A1CF: variants seen among roughly 807,000 people sequenced by gnomAD.
A1CF encodes the protein APOBEC1 complementation factor.
A1CF carries 48 observed loss-of-function variants against 68.9 expected under a neutral mutation model. That is an observed-to-expected ratio of 0.70 (90% CI 0.55 to 0.89). The LOEUF (loss-of-function observed/expected upper bound fraction) is 0.89. Ranked by LOEUF, A1CF falls within the 40% of genes least tolerant of loss-of-function variation. A1CF has a pLI of 0.00. For synonymous variants in A1CF, 272 were observed against 260.4 expected, an observed-to-expected ratio of 1.04 and a Z score of -0.43; for missense variants, 653 against 718.9, an observed-to-expected ratio of 0.91 and a Z score of 1.05.
intron 3 of A1CF, among the ~76,000 whole-genome samples, chr10:50,853,989 T>G (rs1479822732): frequency 2.0e-5 from 3 of 152,030 alleles, no homozygotes; most frequent in African/African-American, 7.2e-5. Flanking sequence ...ACAAATTTCA[T>G]GTATATGTAG....
intron 10 of A1CF, among the ~76,000 whole-genome samples, chr10:50,812,335 C>T (rs1411064367): frequency 6.6e-6 from 1 of 152,128 alleles, no homozygotes; most frequent in Non-Finnish European, 1.5e-5. Context: ...ATTGTTTAGG[C>T]CCCATCTGTG....
Position 50,818,921 on chromosome 10 carries a change from GC to G in A1CF, c.867+1630del, listed in dbSNP as rs1479162004. Among the ~76,000 whole-genome samples, 32 of 152,182 alleles carry G rather than the reference GC, an allele frequency of 2.1e-4. No homozygotes were observed. In the East Asian group the frequency reaches 6.2e-3, roughly 29 times the overall value. On this transcript the variant is annotated intron_variant, in intron 8 of 12. Transcript: ENST00000373997. ...ATTCACCACCTACCAGCTCCAGCCTGCTCTCTGCTCTGGGAAGCTGTTCTAC... is the reference window on the plus strand; with the variant it reads ...ATTCACCACCTACCAGCTCCAGCCTGTCTCTGCTCTGGGAAGCTGTTCTAC...
rs1361976735 is a variant in A1CF, at chr10:50,801,894, C to G, written c.*4835G>C. On this transcript the variant is annotated 3_prime_UTR_variant, in exon 13 of 13. Coordinates refer to ENST00000373997, the MANE Select transcript of A1CF (RefSeq NM_014576.4). ...GTTTTCTTTTAGCTTTCCTACAAAA[C>G]CAAGGAGAACTGGGGGCACATAAAG... 6.6e-6 allele frequency: 1 copy of G among 152,120 alleles called. No individual in the cohort carries two copies. Among genetic ancestry groups the G allele is most frequent in the Non-Finnish European group, 1.5e-5 (1 of 68,032 alleles). The allele number at this position is 152,120 out of a possible 1,614,324, so 9.4% of individuals were successfully genotyped here. A position where few individuals can be genotyped will look rare whatever the true frequency, so the allele number is the denominator to read the frequency against.
intron 2 of A1CF, among the ~76,000 whole-genome samples, chr10:50,862,173 C>A (rs1349390074): frequency 6.6e-6 from 1 of 151,926 alleles, no homozygotes; most frequent in South Asian, 2.1e-4. Context: ...CGAGACCAGC[C>A]TGCCCAACAT....
intron 1 of A1CF, among the ~76,000 whole-genome samples, chr10:50,871,704 T>C (rs1225276614): frequency 1.3e-5 from 2 of 151,988 alleles, no homozygotes; most frequent in African/African-American, 2.4e-5. Context: ...TTCAAATTCA[T>C]AGGGGGATCA....
chr10:50,846,056 A>G (rs1358462193), intron 3 of A1CF, among the ~76,000 whole-genome samples: 1 of 152,096 alleles, frequency 6.6e-6, no homozygotes, highest in Non-Finnish European at 1.5e-5. Flanking sequence ...CGATCATTTT[A>G]TTACATAAAA....
At chr10:50,822,635 A>G (rs1838731780) in intron 7 of A1CF, 2 of 152,222 alleles carry the variant, frequency 1.3e-5, no homozygotes, top group African/African-American at 4.8e-5. Flanking sequence ...GGCAATGGTT[A>G]TACAGAGCAA....
At chr10:50,815,306 G>A (rs2132333868) in intron 9 of A1CF, among the ~76,000 whole-genome samples, 1 of 152,188 alleles carries the variant, frequency 6.6e-6, no homozygotes, top group South Asian at 2.1e-4. Context: ...AATGGAGCTT[G>A]GAAAACTGCT....
At chr10:50,861,659 G>A (rs993710209) in intron 2 of A1CF, among the ~76,000 whole-genome samples, 4 of 147,682 alleles carry the variant, frequency 2.7e-5, no homozygotes, top group Non-Finnish European at 6.0e-5. Flanking sequence ...TAATGACAGT[G>A]CTAGTATTAC....
chr10:50,842,295 C>G (rs944619509), intron 4 of A1CF, among the ~76,000 whole-genome samples: 1 of 152,202 alleles, frequency 6.6e-6, no homozygotes, highest in Non-Finnish European at 1.5e-5. Context: ...ACATAATTAT[C>G]TGGAACATCT....
intron 3 of A1CF, chr10:50,850,946 A>G (rs1202088047): frequency 1.1e-6 from 1 of 884,222 alleles, no homozygotes; most frequent in African/African-American, 1.7e-5. Flanking sequence ...TGAATTAACT[A>G]TTATTATGGC....
chr10:50,867,942 A>T (rs1437303634), intron 1 of A1CF, among the ~76,000 whole-genome samples: 2 of 152,190 alleles, frequency 1.3e-5, no homozygotes, highest in Admixed American at 6.5e-5. Flanking sequence ...AGGAAACTGA[A>T]TGGGGACAAA....
At chr10:50,821,792 C>A (rs1838691391) in intron 7 of A1CF, among the ~76,000 whole-genome samples, 2 of 152,148 alleles carry the variant, frequency 1.3e-5, no homozygotes, top group Admixed American at 1.3e-4. Context: ...CTACCTCGGC[C>A]TGCCAAAATG....
chr10:50,822,940 A>G (rs763029794), intron 7 of A1CF: 9 of 152,150 alleles, frequency 5.9e-5, no homozygotes, highest in Non-Finnish European at 1.3e-4. Context: ...TCTTGGTATC[A>G]TCTTCACCTG....
At chr10:50,875,596 T>C (rs1247163066) in intron 1 of A1CF, among the ~76,000 whole-genome samples, 1 of 152,234 alleles carries the variant, frequency 6.6e-6, no homozygotes, top group East Asian at 1.9e-4. Flanking sequence ...CAGAGCAATC[T>C]TCAATATAGG....
chr10:50,883,438 C>T (rs536520996), intron 1 of A1CF, among the ~76,000 whole-genome samples: 52 of 152,214 alleles, frequency 3.4e-4, no homozygotes, highest in African/African-American at 1.3e-3. Flanking sequence ...TTAGCTGTGT[C>T]GAGGCACAAA....
chr10:50,817,705 C>G (rs1838438123), intron 8 of A1CF, among the ~76,000 whole-genome samples: 1 of 152,174 alleles, frequency 6.6e-6, no homozygotes, highest in Non-Finnish European at 1.5e-5. Context: ...TGCTTATAGG[C>G]ACTTCCATAT....
At chr10:50,856,978 A>G (rs1840508481) in intron 3 of A1CF, among the ~76,000 whole-genome samples, 1 of 152,138 alleles carries the variant, frequency 6.6e-6, no homozygotes, top group African/African-American at 2.4e-5. Context: ...TGACCTTACA[A>G]TGGAGCAAAA....
rs1048250770 is a variant in A1CF, at chr10:50,803,492, T to C, written c.*3237A>G. 2.6e-5 allele frequency: 4 copies of C among 152,232 alleles called. No individual in the cohort carries two copies. The highest frequency in any genetic ancestry group is 9.6e-5 in the African/African-American group (4 of 41,454). The allele number at this position is 152,232 out of a possible 1,614,324, so 9.4% of individuals were successfully genotyped here. A position where few individuals can be genotyped will look rare whatever the true frequency, so the allele number is the denominator to read the frequency against. ...CCAAACATAGTGTTGTTTGGCATGATACCAGATTGGAGGATATCCTAGTCA... is the reference window on the plus strand; with the variant it reads ...CCAAACATAGTGTTGTTTGGCATGACACCAGATTGGAGGATATCCTAGTCA... On this transcript the variant is annotated 3_prime_UTR_variant, in exon 13 of 13. Coordinates refer to ENST00000373997, the MANE Select transcript of A1CF (RefSeq NM_014576.4).
Sources: allele counts gnomAD v4.1 joint callset (sites outside exome capture counted in the v4.1 genomes callset), GRCh38; gene constraint gnomAD v4.1.1; transcripts MANE v1.5; gene names NCBI Gene and HGNC (gene_info 2026-07-23, HGNC 2026-07-21).